TENM3: variants seen among roughly 807,000 people sequenced by gnomAD.
The protein encoded by TENM3 is teneurin-3.
A neutral mutation model predicts 255.1 loss-of-function variants in TENM3; 63 were observed. The observed-to-expected ratio is 0.25, with a 90% CI of 0.20 to 0.30. The LOEUF is 0.30. Among genes scored for constraint, TENM3 ranks in the 10% least tolerant of loss-of-function variants. The pLI, the probability that TENM3 is intolerant of heterozygous loss-of-function variation, is 1.00. For missense variants in TENM3, 2,929 were observed against 3,461.1 expected, an observed-to-expected ratio of 0.85 and a Z score of 3.86; for synonymous variants, 1,306 against 1,322.3, an observed-to-expected ratio of 0.99 and a Z score of 0.27.
intron 3 of TENM3, among the ~76,000 whole-genome samples, chr4:182,514,136 T>G (rs1737697184): frequency 6.6e-6 from 1 of 152,240 alleles, no homozygotes; most frequent in Non-Finnish European, 1.5e-5. Context: ...GGCAGTCACC[T>G]TCTACTCTGC....
the TENM3 span, among the ~76,000 whole-genome samples, chr4:181,973,543 T>C: frequency 6.6e-6 from 1 of 151,996 alleles, no homozygotes; most frequent in African/African-American, 2.4e-5. Flanking sequence ...GGAAACATAG[T>C]AGTTTGAGAC....
At chr4:181,687,855 T>C in the TENM3 span, among the ~76,000 whole-genome samples, 2 of 152,182 alleles carry the variant, frequency 1.3e-5, no homozygotes, top group Non-Finnish European at 2.9e-5. Context: ...TGCAGACCCT[T>C]GGTATTTCAT....
intron 3 of TENM3, among the ~76,000 whole-genome samples, chr4:182,563,443 G>A (rs1380039632): frequency 5.3e-5 from 8 of 151,888 alleles, no homozygotes; most frequent in Non-Finnish European, 8.8e-5. Flanking sequence ...CAAAAAAAAA[G>A]AATTTAGGCT....
At chr4:181,976,632 G>A in the TENM3 span, 1 of 152,214 alleles carries the variant, frequency 6.6e-6, no homozygotes, top group East Asian at 1.9e-4. Flanking sequence ...GTGTTCACAG[G>A]TTTGGATATA....
the TENM3 span, among the ~76,000 whole-genome samples, chr4:181,536,047 G>A: frequency 1.8e-4 from 28 of 152,022 alleles, no homozygotes; most frequent in Non-Finnish European, 3.2e-4. Flanking sequence ...CCTTCTCCCC[G>A]CACCTGTATA....
rs1277847676 is a variant in TENM3, at chr4:182,731,320, A to T, written c.2967+181A>T. 2.6e-5 allele frequency among the ~76,000 whole-genome samples: 4 copies of T among 152,098 alleles called. No homozygotes were observed. The East Asian group carries it at 7.7e-4, about 29-fold the overall frequency. On this transcript the variant is annotated intron_variant, in intron 16 of 27. Transcript: ENST00000511685. ...GGAGTTCAAGACCAGCCTGGCCAAC[A>T]TAGTGAAACCCCATCTGTACTAAAA...
At chr4:182,456,615 A>T (rs761355162) in intron 3 of TENM3, among the ~76,000 whole-genome samples, 3 of 152,198 alleles carry the variant, frequency 2.0e-5, no homozygotes, top group Admixed American at 6.5e-5. Context: ...GATACTCATG[A>T]TTATAATTTT....
the TENM3 span, among the ~76,000 whole-genome samples, chr4:182,010,377 A>G: frequency 2.6e-5 from 4 of 152,110 alleles, no homozygotes; most frequent in Admixed American, 2.0e-4. Context: ...TTGGAAACAG[A>G]TATGTGATTC....
At chr4:182,094,630 A>G in the TENM3 span, among the ~76,000 whole-genome samples, 17 of 152,354 alleles carry the variant, frequency 1.1e-4, no homozygotes, top group African/African-American at 3.8e-4. Context: ...ATCTCATACA[A>G]TGTTATGATA....
At chr4:181,461,687 T>C in the TENM3 span, among the ~76,000 whole-genome samples, 15 of 152,312 alleles carry the variant, frequency 9.8e-5, no homozygotes, top group African/African-American at 3.4e-4. Flanking sequence ...ATATTGTATT[T>C]TTTATCTTTA....
chr4:181,504,947 G>A, the TENM3 span, among the ~76,000 whole-genome samples: 6 of 152,230 alleles, frequency 3.9e-5, no homozygotes, highest in Middle Eastern at 3.4e-3. Flanking sequence ...ATTGATCTTT[G>A]CCTGACAGAG....
the TENM3 span, among the ~76,000 whole-genome samples, chr4:181,706,112 G>A: frequency 6.6e-6 from 1 of 152,148 alleles, no homozygotes; most frequent in Middle Eastern, 3.4e-3. Flanking sequence ...GAGCCATGAG[G>A]GAGGAGCTGT....
chr4:181,650,645 C>G, the TENM3 span, among the ~76,000 whole-genome samples: 1 of 152,096 alleles, frequency 6.6e-6, no homozygotes, highest in African/African-American at 2.4e-5. Flanking sequence ...TATGCAGTGA[C>G]TCAAAGAAGC....
At chr4:182,237,079 C>G (rs13149956) in intron 1 of TENM3, among the ~76,000 whole-genome samples, 96,308 of 151,992 alleles carry the variant, frequency 0.63, 32,151 homozygotes, top group Non-Finnish European at 0.75. Context: ...TCAGCTCCCC[C>G]TTATAAGTGA....
intron 6 of TENM3, among the ~76,000 whole-genome samples, chr4:182,654,695 C>T (rs1753608071): frequency 1.3e-5 from 2 of 152,056 alleles, no homozygotes; most frequent in Non-Finnish European, 2.9e-5. Flanking sequence ...TGTTTCTTGT[C>T]TAGTATATTG....
the TENM3 span, among the ~76,000 whole-genome samples, chr4:181,834,348 G>A: frequency 6.6e-6 from 1 of 152,170 alleles, no homozygotes; most frequent in Non-Finnish European, 1.5e-5. Context: ...GAAGTCTTAT[G>A]CTGCTATTTC....
the TENM3 span, among the ~76,000 whole-genome samples, chr4:181,754,876 G>A: frequency 6.6e-5 from 10 of 152,238 alleles, no homozygotes; most frequent in African/African-American, 1.4e-4. Context: ...CCCAGAATAC[G>A]AAAATGTTAT....
At chr4:181,941,583 T>C in the TENM3 span, among the ~76,000 whole-genome samples, 1 of 152,216 alleles carries the variant, frequency 6.6e-6, no homozygotes, top group Non-Finnish European at 1.5e-5. Flanking sequence ...TTATTTTAAC[T>C]GAAGTTATTT....
intron 3 of TENM3, 33 bp from the exon 4 acceptor site, chr4:182,600,891 C>CTCTT: frequency 9.7e-7 from 1 of 1,030,756 alleles, no homozygotes; most frequent in Non-Finnish European, 1.4e-6. Flanking sequence ...ATAATGAGTT[C>CTCTT]TCTTTCTTTT....
Sources: gnomAD v4.1 joint callset for allele counts (sites outside exome capture counted in the v4.1 genomes callset) on GRCh38, gnomAD v4.1.1 for gene constraint, MANE v1.5 for transcripts, NCBI Gene and HGNC (gene_info 2026-07-23, HGNC 2026-07-21) for gene names.